Variants in ENOX2 observed in about 807,000 individuals in gnomAD.
ENOX2 encodes the protein ecto-NOX disulfide-thiol exchanger 2, also known as APK1 antigen.
ENOX2 carries 36 observed loss-of-function variants against 45.0 expected under a neutral mutation model. That is an observed-to-expected ratio of 0.80 (90% CI 0.61 to 1.06). The LOEUF is 1.06. Among genes scored for constraint, ENOX2 ranks in the 50% least tolerant of loss-of-function variants. The probability of loss-of-function intolerance (pLI) is 0.00; values close to 1 mark genes in which losing one functional copy is unlikely to be tolerated. For synonymous variants in ENOX2, 174 were observed against 152.3 expected, an observed-to-expected ratio of 1.14 and a Z score of -1.05; for missense variants, 423 against 462.5, an observed-to-expected ratio of 0.91 and a Z score of 0.78.
At chrX:130,897,949 G>T (rs1011083065) in intron 2 of ENOX2, among the ~76,000 whole-genome samples, 3 of 112,036 alleles carry the variant, frequency 2.7e-5, no homozygotes, top group Middle Eastern at 4.6e-3. Flanking sequence ...ATGTGTGTTG[G>T]GGGGTGGAAG....
At chrX:130,900,182 A>G (rs1423112951) in intron 2 of ENOX2, among the ~76,000 whole-genome samples, 1 of 112,386 alleles carries the variant, frequency 8.9e-6, no homozygotes, top group Non-Finnish European at 1.9e-5. Flanking sequence ...CAGTCTGAGT[A>G]TTACTTAGTG....
chrX:130,745,425 GA>G (rs1351368623), intron 3 of ENOX2, among the ~76,000 whole-genome samples: 3 of 110,747 alleles, frequency 2.7e-5, no homozygotes, highest in Non-Finnish European at 5.7e-5. Flanking sequence ...TGCTTGTCTT[GA>G]AAAAAAAATT....
At chrX:130,669,501 T>C (rs933516309) in intron 7 of ENOX2, among the ~76,000 whole-genome samples, 2 of 112,239 alleles carry the variant, frequency 1.8e-5, no homozygotes, top group African/African-American at 6.5e-5. Flanking sequence ...GCATGACTAC[T>C]TTCTGGACCT....
At chrX:130,743,403 A>G (rs2039028293) in intron 3 of ENOX2, among the ~76,000 whole-genome samples, 1 of 111,675 alleles carries the variant, frequency 9.0e-6, no homozygotes, top group Admixed American at 9.5e-5. Flanking sequence ...TGGGCAAATA[A>G]CAACATTTAA....
At chrX:130,640,178 A>G (rs1010044676) in intron 10 of ENOX2, among the ~76,000 whole-genome samples, 1 of 112,048 alleles carries the variant, frequency 8.9e-6, no homozygotes, top group African/African-American at 3.2e-5. Flanking sequence ...CAAGGGCCTC[A>G]CCCCCTAATA....
At chrX:130,760,027 G>C (rs1443991465) in intron 3 of ENOX2, among the ~76,000 whole-genome samples, 3 of 111,583 alleles carry the variant, frequency 2.7e-5, no homozygotes, top group Non-Finnish European at 3.8e-5. Flanking sequence ...ACACATTTCA[G>C]TAAATTTATA....
At chrX:130,752,572 C>G (rs2039250870) in intron 3 of ENOX2, among the ~76,000 whole-genome samples, 1 of 110,885 alleles carries the variant, frequency 9.0e-6, no homozygotes, top group African/African-American at 3.3e-5. Flanking sequence ...ACCTGATTCT[C>G]CTGACACTTT....
intron 2 of ENOX2, among the ~76,000 whole-genome samples, chrX:130,814,028 G>A (rs1178981225): frequency 7.1e-5 from 8 of 112,270 alleles, no homozygotes; most frequent in Admixed American, 2.8e-4. Flanking sequence ...GCAGTCTGAA[G>A]TTGACCTTGG....
intron 3 of ENOX2, among the ~76,000 whole-genome samples, chrX:130,744,151 C>T (rs6637767): frequency 0.087 from 9,682 of 111,511 alleles, 1,004 homozygotes; most frequent in African/African-American, 0.3. Context: ...ATGGAATATT[C>T]AAATACAGGC....
intron 2 of ENOX2, among the ~76,000 whole-genome samples, chrX:130,872,813 T>C (rs988945599): frequency 5.4e-5 from 6 of 111,843 alleles, no homozygotes; most frequent in Admixed American, 9.4e-5. Flanking sequence ...CCCTATTTAA[T>C]AAACGGTGTT....
intron 2 of ENOX2, among the ~76,000 whole-genome samples, chrX:130,869,538 A>G (rs186185462): frequency 1.9e-4 from 21 of 111,533 alleles, no homozygotes; most frequent in Non-Finnish European, 3.4e-4. Flanking sequence ...GTTCTAAATT[A>G]CATATACCAA....
At chrX:130,823,390 G>A (rs976584550) in intron 2 of ENOX2, among the ~76,000 whole-genome samples, 1 of 111,161 alleles carries the variant, frequency 9.0e-6, no homozygotes, top group Non-Finnish European at 1.9e-5. Flanking sequence ...AGTCTTATAT[G>A]AAAAAAATCT....
At chrX:130,840,522 A>AAAAT (rs61403363) in intron 2 of ENOX2, among the ~76,000 whole-genome samples, 12,650 of 103,133 alleles carry the variant, frequency 0.12, 1,060 homozygotes, top group African/African-American at 0.24. Context: ...TCTCTTTTAA[A>AAAAT]AAATAAATAA....
rs1248187331 is a variant in ENOX2 at position 130,656,712 on chromosome X, T to C, written c.1015-17A>G. The C allele has an allele frequency of 6.5e-6, 6 of 917,643 alleles. No individual in the cohort carries two copies. The highest frequency in any genetic ancestry group is 3.9e-5 in the African/African-American group (2 of 51,113). The allele number at this position is 917,643 out of a possible 1,213,427, so 75.6% of individuals were successfully genotyped here. On this transcript the variant is annotated splice_polypyrimidine_tract_variant and intron_variant, in intron 9 of 14. Transcript: ENST00000394363. Reference sequence around the variant, plus strand: ...GCGAATTTCCTAAGGTTAAAAAGTATGCTTTTTAGGTGGGAATTCCTTGAA... The same window carrying C: ...GCGAATTTCCTAAGGTTAAAAAGTACGCTTTTTAGGTGGGAATTCCTTGAA...
At chrX:130,793,180 T>A (rs1051865541) in intron 2 of ENOX2, among the ~76,000 whole-genome samples, 1 of 112,495 alleles carries the variant, frequency 8.9e-6, no homozygotes, top group Non-Finnish European at 1.9e-5. Flanking sequence ...GTGTAGCACA[T>A]GTTGGACACT....
At chrX:130,721,124 A>T (rs1300080797) in intron 3 of ENOX2, among the ~76,000 whole-genome samples, 2 of 111,137 alleles carry the variant, frequency 1.8e-5, no homozygotes, top group African/African-American at 3.3e-5. Flanking sequence ...CGATCGTGTC[A>T]TTTTTGAACC....
intron 12 of ENOX2, among the ~76,000 whole-genome samples, chrX:130,632,592 G>A (rs997863434): frequency 9.0e-6 from 1 of 111,424 alleles, no homozygotes; most frequent in African/African-American, 3.3e-5. Context: ...CTCCTTGGGG[G>A]GCAGATCATG....
At chrX:130,872,322 C>A (rs1487940021) in intron 2 of ENOX2, among the ~76,000 whole-genome samples, 2 of 112,312 alleles carry the variant, frequency 1.8e-5, no homozygotes, top group East Asian at 5.6e-4. Flanking sequence ...TTATTTATCT[C>A]AGTGATTTTC....
At chrX:130,800,806 G>A (rs2077204935) in intron 2 of ENOX2, among the ~76,000 whole-genome samples, 1 of 112,193 alleles carries the variant, frequency 8.9e-6, no homozygotes, top group Non-Finnish European at 1.9e-5. Context: ...TAGTAAGAGT[G>A]ACAATTACAG....
Sources: allele counts gnomAD v4.1 joint callset (sites outside exome capture counted in the v4.1 genomes callset), GRCh38; gene constraint gnomAD v4.1.1; transcripts MANE v1.5; gene names NCBI Gene and HGNC (gene_info 2026-07-23, HGNC 2026-07-21).